Variants in USH2A observed in about 807,000 individuals in gnomAD.
USH2A encodes usherin, also known as Usher syndrome 2A (autosomal recessive, mild).
A neutral mutation model predicts 538.9 loss-of-function variants in USH2A; 443 were observed. The observed-to-expected ratio is 0.82, with a 90% confidence interval of 0.76 to 0.89. USH2A has a LOEUF of 0.89. USH2A is among the 40% of genes least tolerant of loss of function. The pLI is 0.00. For synonymous variants in USH2A, 2,413 were observed against 2,273.5 expected (o/e 1.06, Z -1.75); for missense variants, 6,633 against 6,324.8 (o/e 1.05, Z -1.65).
At chr1:216,034,546 C>T (rs551763916) in intron 32 of USH2A, among the ~76,000 whole-genome samples, 4 of 152,208 alleles carry the variant, frequency 2.6e-5, no homozygotes, top group South Asian at 2.1e-4. Context: ...TACTGAAAGA[C>T]GGGGAGCCCT....
At chr1:215,726,589 T>C (rs1659824101) in intron 61 of USH2A, among the ~76,000 whole-genome samples, 2 of 152,212 alleles carry the variant, frequency 1.3e-5, no homozygotes, top group Admixed American at 1.3e-4. Context: ...TTCATGTAAA[T>C]TGGCCTTCCA....
intron 3 of USH2A, among the ~76,000 whole-genome samples, chr1:216,376,243 A>C (rs2038818922): frequency 6.6e-6 from 1 of 152,170 alleles, no homozygotes. Flanking sequence ...AAAATAAAAC[A>C]CATTGTCTGT....
intron 48 of USH2A, among the ~76,000 whole-genome samples, chr1:215,815,239 C>G (rs773081978): frequency 6.6e-6 from 1 of 151,968 alleles, no homozygotes; most frequent in Non-Finnish European, 1.5e-5. Context: ...TAGTGTGTCT[C>G]GTTTTAGTGT....
intron 22 of USH2A, among the ~76,000 whole-genome samples, chr1:216,093,231 A>G (rs201337650): frequency 6.6e-6 from 1 of 151,970 alleles, no homozygotes; most frequent in Non-Finnish European, 1.5e-5. Flanking sequence ...CCAAAGTGCT[A>G]GGATTACAGG....
chr1:215,628,617 C>G (rs961302680), intron 71 of USH2A, among the ~76,000 whole-genome samples, 197 bp downstream of exon 71: 3 of 152,226 alleles, frequency 2.0e-5, no homozygotes, highest in Non-Finnish European at 2.9e-5. Context: ...TATTGCATAC[C>G]AGAAGAACAA....
chr1:215,627,140 C>T (rs893702367), intron 71 of USH2A, among the ~76,000 whole-genome samples: 1 of 152,054 alleles, frequency 6.6e-6, no homozygotes, highest in African/African-American at 2.4e-5. Context: ...GAACCTGGGT[C>T]CAGCGAACTC....
intron 26 of USH2A, among the ~76,000 whole-genome samples, chr1:216,081,287 T>C (rs888557172): frequency 1.8e-4 from 27 of 152,122 alleles, no homozygotes; most frequent in African/African-American, 6.5e-4. Context: ...AATGCGTTGG[T>C]GAACTTAATG....
At chr1:215,654,417 T>C (rs901382079) in intron 64 of USH2A, among the ~76,000 whole-genome samples, 1 of 152,192 alleles carries the variant, frequency 6.6e-6, no homozygotes, top group African/African-American at 2.4e-5. Flanking sequence ...ACTGAACATA[T>C]TTATTCTTTT....
At chr1:215,785,634 G>A (rs1464153661) in intron 52 of USH2A, among the ~76,000 whole-genome samples, 1 of 152,112 alleles carries the variant, frequency 6.6e-6, no homozygotes, top group African/African-American at 2.4e-5. Context: ...TTGTGCACAT[G>A]TACCCTAGAA....
chr1:215,854,015 C>G (rs1343948022), intron 44 of USH2A, among the ~76,000 whole-genome samples: 1 of 152,220 alleles, frequency 6.6e-6, no homozygotes, highest in East Asian at 1.9e-4. Flanking sequence ...ATCTTTTCAG[C>G]AGCATACCAC....
chr1:215,809,496 A>C (rs997508244), intron 49 of USH2A, among the ~76,000 whole-genome samples: 1 of 152,046 alleles, frequency 6.6e-6, no homozygotes. Context: ...AAAAAATAAA[A>C]CTATTTTTTT....
chr1:215,771,651 T>A (rs181884047), intron 55 of USH2A, among the ~76,000 whole-genome samples: 6 of 146,634 alleles, frequency 4.1e-5, no homozygotes, highest in Non-Finnish European at 7.4e-5. Context: ...TATTTAAATA[T>A]TTTCATTTTG....
chr1:215,779,533 T>C (rs1661560706), intron 55 of USH2A, among the ~76,000 whole-genome samples: 1 of 152,126 alleles, frequency 6.6e-6, no homozygotes, highest in Non-Finnish European at 1.5e-5. Context: ...TATGAGTATA[T>C]CCTTGGGGAA....
intron 3 of USH2A, among the ~76,000 whole-genome samples, chr1:216,404,448 A>T (rs959640772): frequency 6.6e-6 from 1 of 152,116 alleles, no homozygotes; most frequent in Non-Finnish European, 1.5e-5. Flanking sequence ...ATATACATAG[A>T]ATTCTGAAAT....
At chr1:216,126,228 TTTTTG>T (rs1553304794) in intron 21 of USH2A, among the ~76,000 whole-genome samples, 2 of 71,002 alleles carry the variant, frequency 2.8e-5, no homozygotes, top group South Asian at 1.3e-3. Context: ...TGTTGTTTTG[TTTTTG>T]TTTTTTTTGA....
intron 47 of USH2A, among the ~76,000 whole-genome samples, chr1:215,835,816 T>G (rs1663463447): frequency 6.6e-6 from 1 of 152,170 alleles, no homozygotes; most frequent in Admixed American, 6.5e-5. Context: ...CTGTATTAAA[T>G]CATTTGCTTC....
At chr1:215,640,036 A>G (rs73087448) in intron 68 of USH2A, among the ~76,000 whole-genome samples, 4,995 of 152,278 alleles carry the variant, frequency 0.033, 196 homozygotes, top group African/African-American at 0.092. Flanking sequence ...GAAAAGGGAC[A>G]TGTAAGTAAA....
chr1:216,130,681 A>G lies in USH2A; in HGVS notation c.4628-33468T>C. On this transcript the variant is annotated intron_variant, in intron 21 of 71. Coordinates refer to ENST00000307340, the MANE Select transcript of USH2A (RefSeq NM_206933.4). ...TATATGCAATATATATCACGTATAT[A>G]TATATACAGTGGTTTCTTTTTCCAC... Among the ~76,000 whole-genome samples the G allele has an allele frequency of 2.0e-5, 3 of 149,408 alleles. No homozygotes were observed. The South Asian group carries it at 6.3e-4, about 31-fold the overall frequency.
chr1:216,230,273 A>T (rs1050471418), intron 14 of USH2A, among the ~76,000 whole-genome samples: 2 of 152,174 alleles, frequency 1.3e-5, no homozygotes, highest in Non-Finnish European at 2.9e-5. Flanking sequence ...TCTAGGAGCT[A>T]GTATGTGCAG....
Sources: gnomAD v4.1 joint callset for allele counts (sites outside exome capture counted in the v4.1 genomes callset) on GRCh38, gnomAD v4.1.1 for gene constraint, MANE v1.5 for transcripts, NCBI Gene and HGNC (gene_info 2026-07-23, HGNC 2026-07-21) for gene names.